The following FAXC variants were observed in gnomAD, a reference collection of about 807,000 sequenced individuals.
FAXC encodes failed axon connections homolog.
Under a neutral mutation model 41.9 loss-of-function variants are expected in FAXC, and 10 were observed. The ratio of observed to expected loss-of-function variants is 0.24; its 90% CI spans 0.15 to 0.41. The LOEUF (loss-of-function observed/expected upper bound fraction) is 0.41, where lower values mean the gene tolerates loss of function less well. FAXC is among the 10% of genes least tolerant of loss of function. FAXC has a pLI of 1.00. For missense variants in FAXC, 399 were observed against 510.9 expected (o/e 0.78, Z 2.11); for synonymous variants, 183 against 183.8 (o/e 1.00, Z 0.03).
chr6:99,333,608 A>T, intron 2 of FAXC, 61 bp from the exon 3 acceptor site: 2 of 1,357,114 alleles, frequency 1.5e-6, no homozygotes, highest in South Asian at 1.4e-5. Context: ...CCACTGCATG[A>T]TTAATAGAAA....
At chr6:99,295,788 T>C (rs1771469182) in intron 4 of FAXC, among the ~76,000 whole-genome samples, 1 of 152,252 alleles carries the variant, frequency 6.6e-6, no homozygotes, top group African/African-American at 2.4e-5. Context: ...TGGTATCTGC[T>C]AGATTTTTCA....
At chr6:99,286,051 A>C (rs771936444) in intron 5 of FAXC, among the ~76,000 whole-genome samples, 3 of 152,154 alleles carry the variant, frequency 2.0e-5, no homozygotes, top group Non-Finnish European at 2.9e-5. Flanking sequence ...ACCAGCAATA[A>C]CTTGGAAAAC....
At chr6:99,321,360 G>A (rs1772581295) in intron 4 of FAXC, among the ~76,000 whole-genome samples, 1 of 152,152 alleles carries the variant, frequency 6.6e-6, no homozygotes, top group Non-Finnish European at 1.5e-5. Flanking sequence ...AGGCATCTGG[G>A]CATCAAAAAT....
chr6:99,349,034 C>T (rs2128467039), intron 1 of FAXC, 73 bp downstream of exon 1: 1 of 1,440,532 alleles, frequency 6.9e-7, no homozygotes, highest in South Asian at 1.3e-5. Context: ...GGCACGGGCC[C>T]CTCTCGCGCC....
intron 4 of FAXC, among the ~76,000 whole-genome samples, chr6:99,301,928 CATA>C (rs927220646): frequency 4.6e-5 from 7 of 152,320 alleles, no homozygotes; most frequent in African/African-American, 1.7e-4. Context: ...TTGCTGTCTG[CATA>C]ATAAGTTACC....
At chr6:99,295,299 G>A (rs1771440380) in intron 4 of FAXC, among the ~76,000 whole-genome samples, 1 of 152,176 alleles carries the variant, frequency 6.6e-6, no homozygotes, top group Non-Finnish European at 1.5e-5. Flanking sequence ...ATACCTGATG[G>A]CAGAAAGCCT....
chr6:99,295,701 G>A (rs1010837465), intron 4 of FAXC, among the ~76,000 whole-genome samples: 2 of 152,092 alleles, frequency 1.3e-5, no homozygotes, highest in Non-Finnish European at 1.5e-5. Context: ...ATACACCTTC[G>A]CAGGGCATCA....
At position 99,316,157 on chromosome 6, in the gene FAXC, G is replaced by GCC. The variant is rs71021722; in HGVS notation, c.823+7285_823+7286dup. ...ACTCAGGCCCAGCTTTAACCCACTC[G>GCC]CCCCCCCCCACCCACAAGGGGTTGC... On this transcript the variant is annotated intron_variant, in intron 4 of 5. Transcript: ENST00000389677. 7.4e-4 allele frequency among the ~76,000 whole-genome samples: 109 copies of GCC among 146,372 alleles called. No homozygotes were observed. In the East Asian group the frequency reaches 0.01, roughly 14 times the overall value.
chr6:99,347,090 C>T (rs1773623236), intron 1 of FAXC, among the ~76,000 whole-genome samples: 1 of 151,066 alleles, frequency 6.6e-6, no homozygotes, highest in Non-Finnish European at 1.5e-5. Flanking sequence ...AGTGAGACCC[C>T]ATCTCCACAA....
chr6:99,317,047 C>T (rs2128458203), intron 4 of FAXC, among the ~76,000 whole-genome samples: 1 of 152,154 alleles, frequency 6.6e-6, no homozygotes, highest in Admixed American at 6.5e-5. Flanking sequence ...TGTGTTGATC[C>T]AATGTCAACA....
At chr6:99,343,238 A>C (rs1307125182) in intron 1 of FAXC, among the ~76,000 whole-genome samples, 2 of 151,102 alleles carry the variant, frequency 1.3e-5, no homozygotes, top group Admixed American at 1.3e-4. Context: ...AAAACTCAAG[A>C]GAACCTTACA....
chr6:99,288,846 C>G (rs9389198), intron 5 of FAXC, among the ~76,000 whole-genome samples: 1 of 71,062 alleles, frequency 1.4e-5, no homozygotes. Flanking sequence ...GCACATGAAT[C>G]GACACACACA....
chr6:99,282,341 G>T (rs748048141), intron 5 of FAXC, among the ~76,000 whole-genome samples: 13 of 152,052 alleles, frequency 8.5e-5, no homozygotes, highest in Non-Finnish European at 1.5e-4. Context: ...GCTGAAAAAA[G>T]TTATGTTAGG....
chr6:99,281,208 C>T lies in FAXC; in HGVS notation c.1186G>A (p.Asp396Asn), dbSNP rs1334042322. 1 of 1,585,578 alleles carries T rather than the reference C, an allele frequency of 6.3e-7. No individual in the cohort carries two copies. The highest frequency in any genetic ancestry group is 1.3e-5 in the African/African-American group (1 of 74,326). ...DFTGHSLFDS[D>N]VDMDDYTDHE... ...TCTGTATAGTCATCCATGTCCACAT[C>T]CGAATCAAAGAGTGAGTGTCCAGTA... Residue 396 changes from aspartate (D) to asparagine (N), a missense_variant, in exon 6 of 6, where the codon GAT becomes AAT. By Grantham distance (23) the Asp-to-Asn change is conservative. Transcript: ENST00000389677.
intron 4 of FAXC, 71 bp from the exon 5 acceptor site, chr6:99,291,891 C>A: frequency 9.0e-7 from 1 of 1,106,836 alleles, no homozygotes; most frequent in Non-Finnish European, 1.4e-6. Flanking sequence ...TGGCATTTAG[C>A]ACATTCTATT....
chr6:99,336,888 G>A (rs1773238065), intron 2 of FAXC, among the ~76,000 whole-genome samples: 1 of 152,170 alleles, frequency 6.6e-6, no homozygotes, highest in Non-Finnish European at 1.5e-5. Flanking sequence ...AATACCCATA[G>A]GTTTCAGGTA....
In FAXC at chr6:99,292,207, C is replaced by T. The variant is rs544266340; in HGVS notation, c.824-387G>A. Among the ~76,000 whole-genome samples the T allele has an allele frequency of 4.6e-5, 7 of 152,246 alleles. No individual in the cohort carries two copies. In the East Asian group the frequency reaches 1.4e-3, roughly 29 times the overall value. ...CATCTCAAAAGTAACCCAAAGCAAG[C>T]AAAGCCAACATCAGCACTTACATTA... On this transcript the variant is annotated intron_variant, in intron 4 of 5. Coordinates refer to ENST00000389677, the MANE Select transcript of FAXC (RefSeq NM_032511.4).
At chr6:99,337,212 G>A (rs1323436957) in intron 2 of FAXC, among the ~76,000 whole-genome samples, 1 of 151,862 alleles carries the variant, frequency 6.6e-6, no homozygotes, top group Non-Finnish European at 1.5e-5. Flanking sequence ...CTAGGTAAAG[G>A]GCATGGGGGT....
intron 5 of FAXC, 93 bp downstream of exon 5, chr6:99,291,611 C>T (rs1023150641): frequency 5.1e-5 from 46 of 893,950 alleles, no homozygotes; most frequent in African/African-American, 2.6e-4. Flanking sequence ...ACACCCAAGA[C>T]GAAAGCATTG....
Sources: gnomAD v4.1 joint callset for allele counts (sites outside exome capture counted in the v4.1 genomes callset) on GRCh38, gnomAD v4.1.1 for gene constraint, MANE v1.5 for transcripts, NCBI Gene and HGNC (gene_info 2026-07-23, HGNC 2026-07-21) for gene names.